Variants in ACVR1 observed in about 807,000 individuals in gnomAD.
ACVR1 encodes the protein activin receptor type-1.
Under a neutral mutation model 57.1 loss-of-function variants are expected in ACVR1, and 38 were observed. The ratio of observed to expected loss-of-function variants is 0.67; its 90% confidence interval spans 0.51 to 0.87. The LOEUF is 0.87. Ranked by LOEUF, ACVR1 falls within the 40% of genes least tolerant of loss-of-function variation. ACVR1 has a pLI of 0.00. For synonymous variants in ACVR1, 212 were observed against 228.1 expected (o/e 0.93, Z 0.63); for missense variants, 463 against 638.2 (o/e 0.73, Z 2.96).
chr2:157,867,905 T>C (rs936674746), intron 1 of ACVR1, among the ~76,000 whole-genome samples: 5 of 152,090 alleles, frequency 3.3e-5, no homozygotes, highest in Admixed American at 2.6e-4. Flanking sequence ...AGGTACTTCA[T>C]GGAGTGTGAG....
At chr2:157,741,293 C>T (rs1684750043) in intron 9 of ACVR1, among the ~76,000 whole-genome samples, 1 of 152,092 alleles carries the variant, frequency 6.6e-6, no homozygotes, top group Admixed American at 6.6e-5. Flanking sequence ...ACTCAATGGC[C>T]ATTTTGATTA....
At chr2:157,783,004 G>A (rs1296176598) in intron 3 of ACVR1, among the ~76,000 whole-genome samples, 1 of 152,052 alleles carries the variant, frequency 6.6e-6, no homozygotes, top group Non-Finnish European at 1.5e-5. Flanking sequence ...ATGAATTGAC[G>A]AGTATGATTT....
In ACVR1 at chr2:157,738,333, A is replaced by C. The variant is rs1559028239; in HGVS notation, c.1395+107T>G. On this transcript the variant is annotated intron_variant, in intron 10 of 10. Transcript: ENST00000434821. ...ATATAAAATAGGAAGAGAAAACAACAGATCCACGGGACAGATCACTCAGAT... is the reference window on the plus strand; with the variant it reads ...ATATAAAATAGGAAGAGAAAACAACCGATCCACGGGACAGATCACTCAGAT... 5 of 1,527,210 alleles carry C rather than the reference A, an allele frequency of 3.3e-6. 1 individual carries two copies. Among genetic ancestry groups the C allele is most frequent in the East Asian group, 4.5e-5 (2 of 44,306 alleles). The allele number at this position is 1,527,210 out of a possible 1,614,324, so 94.6% of individuals were successfully genotyped here.
At chr2:157,792,060 A>G (rs192798435) in intron 3 of ACVR1, among the ~76,000 whole-genome samples, 61 of 152,318 alleles carry the variant, frequency 4.0e-4, no homozygotes, top group Non-Finnish European at 6.9e-4. Context: ...GACAAAACAA[A>G]TGCAGCAAGA....
At chr2:157,759,940 A>G (rs927092130) in intron 9 of ACVR1, among the ~76,000 whole-genome samples, 2 of 152,150 alleles carry the variant, frequency 1.3e-5, no homozygotes, top group Admixed American at 6.5e-5. Context: ...AGGAATATAC[A>G]TACTTCAACA....
At chr2:157,740,776 G>C (rs976878354) in intron 9 of ACVR1, among the ~76,000 whole-genome samples, 1 of 152,178 alleles carries the variant, frequency 6.6e-6, no homozygotes, top group African/African-American at 2.4e-5. Flanking sequence ...GTTTGCCCTT[G>C]TGTTTCCGTT....
At chr2:157,827,472 A>G (rs957301735) in intron 1 of ACVR1, among the ~76,000 whole-genome samples, 2 of 152,228 alleles carry the variant, frequency 1.3e-5, no homozygotes, top group African/African-American at 2.4e-5. Context: ...CAGACAAGCC[A>G]TGAATTGTAT....
At chr2:157,867,944 C>A (rs1689995155) in intron 1 of ACVR1, among the ~76,000 whole-genome samples, 2 of 152,082 alleles carry the variant, frequency 1.3e-5, no homozygotes, top group South Asian at 2.1e-4. Context: ...ATGAAAGGGG[C>A]CAGACCAAGG....
chr2:157,876,327 G>A lies in ACVR1; in HGVS notation c.-714C>T, dbSNP rs1033967243. 1.3e-4 allele frequency among the ~76,000 whole-genome samples: 19 copies of A among 150,276 alleles called. No individual in the cohort carries two copies. The highest frequency in any genetic ancestry group is 4.0e-4 in the Admixed American group (6 of 15,154). On this transcript the variant is annotated 5_prime_UTR_variant, in exon 1 of 11. Transcript: ENST00000434821. ...CTGCGGCGGCGGCGGCGGCTGCAAA[G>A]AGCAGGAGCCGGAGCGGGAGGAGCG...
intron 2 of ACVR1, among the ~76,000 whole-genome samples, chr2:157,815,645 T>C (rs1459337658): frequency 6.6e-6 from 1 of 152,188 alleles, no homozygotes; most frequent in Non-Finnish European, 1.5e-5. Context: ...CCTAATTCCA[T>C]TTCTGTTATT....
chr2:157,799,059 G>A (rs1388129414), intron 3 of ACVR1, among the ~76,000 whole-genome samples: 3 of 151,630 alleles, frequency 2.0e-5, no homozygotes, highest in African/African-American at 4.8e-5. Context: ...ACCATGCCTG[G>A]CTAATTTTTG....
intron 3 of ACVR1, among the ~76,000 whole-genome samples, chr2:157,796,129 G>C (rs141880718): frequency 3.1e-4 from 47 of 151,872 alleles, no homozygotes; most frequent in African/African-American, 1.1e-3. Flanking sequence ...GGCTGAGACA[G>C]GAGGAATGCT....
chr2:157,810,817 A>C (rs1485393824), intron 2 of ACVR1, among the ~76,000 whole-genome samples: 1 of 152,120 alleles, frequency 6.6e-6, no homozygotes, highest in Non-Finnish European at 1.5e-5. Flanking sequence ...GCAACTACAC[A>C]GGCTTCCTCC....
At chr2:157,767,169 T>A (rs568176738) in intron 7 of ACVR1, among the ~76,000 whole-genome samples, 1 of 152,150 alleles carries the variant, frequency 6.6e-6, no homozygotes, top group South Asian at 2.1e-4. Context: ...GTAGCTGGGA[T>A]TACAGGGGCC....
intron 2 of ACVR1, among the ~76,000 whole-genome samples, chr2:157,801,293 G>A (rs970886150): frequency 1.3e-5 from 2 of 152,120 alleles, no homozygotes; most frequent in African/African-American, 4.8e-5. Flanking sequence ...GTACAACCAT[G>A]TACTTGTAGT....
chr2:157,858,694 G>A (rs937551018), intron 1 of ACVR1, among the ~76,000 whole-genome samples: 5 of 151,998 alleles, frequency 3.3e-5, no homozygotes, highest in Non-Finnish European at 7.4e-5. Context: ...TGTTGGCCAG[G>A]CTGGTCTTGA....
At chr2:157,743,074 C>T (rs969932544) in intron 9 of ACVR1, among the ~76,000 whole-genome samples, 3 of 152,196 alleles carry the variant, frequency 2.0e-5, no homozygotes, top group Non-Finnish European at 2.9e-5. Flanking sequence ...ACCAGAATTA[C>T]TTGTAGTTCC....
At chr2:157,738,888 C>T (rs566500884) in intron 9 of ACVR1, among the ~76,000 whole-genome samples, 39 of 152,306 alleles carry the variant, frequency 2.6e-4, no homozygotes, top group Admixed American at 6.5e-4. Context: ...CAACAGGGCA[C>T]TGGAGACATA....
chr2:157,774,242 T>C, intron 5 of ACVR1, 55 bp from the exon 6 acceptor site: 1 of 1,421,354 alleles, frequency 7.0e-7, no homozygotes, highest in Non-Finnish European at 9.9e-7. Flanking sequence ...GCTCCCACTT[T>C]GGAGTATTAG....
Sources: allele counts gnomAD v4.1 joint callset (sites outside exome capture counted in the v4.1 genomes callset), GRCh38; gene constraint gnomAD v4.1.1; transcripts MANE v1.5; gene names NCBI Gene and HGNC (gene_info 2026-07-23, HGNC 2026-07-21).